Variants in RNMT observed in about 807,000 individuals in gnomAD.
RNMT encodes the protein RNA guanine-7 methyltransferase.
A neutral mutation model predicts 56.0 loss-of-function variants in RNMT; 27 were observed. That is an observed-to-expected ratio of 0.48 (90% confidence interval 0.36 to 0.67). The LOEUF is 0.67. RNMT is among the 30% of genes least tolerant of loss of function. The probability of loss-of-function intolerance (pLI) is 0.00; values close to 1 mark genes in which losing one functional copy is unlikely to be tolerated. For missense variants in RNMT, 519 were observed against 552.1 expected, an observed-to-expected ratio of 0.94 and a Z score of 0.60; for synonymous variants, 184 against 176.2, an observed-to-expected ratio of 1.04 and a Z score of -0.35.
In RNMT at chr18:13,760,180, G is replaced by C; in HGVS notation, c.*201G>C. The C allele has an allele frequency of 7.8e-7, 1 of 1,274,880 alleles. No individual in the cohort carries two copies. Among genetic ancestry groups the C allele is most frequent in the Non-Finnish European group, 9.9e-7 (1 of 1,010,664 alleles). The allele number at this position is 1,274,880 out of a possible 1,614,324, so 79.0% of individuals were successfully genotyped here. The stretch of plus-strand genomic sequence containing the variant: ...GCATGTGTATATAAGAATGAGTTGG[G>C]ACCTCTGTCTTTAAAAATCTATTTT... On this transcript the variant is annotated 3_prime_UTR_variant, in exon 12 of 12. Transcript: ENST00000383314.
rs1168927621 is a variant in RNMT, at chr18:13,764,246, T to C, written c.*4267T>C. ...TTAACTTTTTATTAAAGTGTAACTATAGAAACACATCAATGATTTTTCACA... is the reference window on the plus strand; with the variant it reads ...TTAACTTTTTATTAAAGTGTAACTACAGAAACACATCAATGATTTTTCACA... On this transcript the variant is annotated 3_prime_UTR_variant, in exon 12 of 12. Coordinates refer to ENST00000383314, the MANE Select transcript of RNMT (RefSeq NM_003799.3). The C allele has an allele frequency of 1.3e-5, 2 of 152,218 alleles. No homozygotes were observed. The highest frequency in any genetic ancestry group is 4.8e-5 in the African/African-American group (2 of 41,472). 9.4% of individuals were successfully genotyped at this position (152,218 alleles called of 1,614,324 possible).
chr18:13,742,512 A>G lies in RNMT; in HGVS notation c.999A>G (p.Thr333=). ...ELIRRLEASE[T]ESFGNEIYTV... ...GAAGACGCCTTGAAGCTTCAGAAAC[A>G]GAATCATTTGGAAATGAAATATATA... Residue 333 remains threonine (T), a synonymous_variant, in exon 8 of 12, where the codon ACA becomes ACG. Coordinates refer to ENST00000383314, the MANE Select transcript of RNMT (RefSeq NM_003799.3). 1 of 1,612,298 alleles carries G rather than the reference A, an allele frequency of 6.2e-7. No homozygotes were observed. Among genetic ancestry groups the G allele is most frequent in the Non-Finnish European group, 8.5e-7 (1 of 1,179,550 alleles).
In RNMT at chr18:13,763,219, A is replaced by G; in HGVS notation, c.*3240A>G. The G allele has an allele frequency of 2.2e-6, 1 of 445,934 alleles. No individual in the cohort carries two copies. Among genetic ancestry groups the G allele is most frequent in the Middle Eastern group, 3.3e-4 (1 of 3,018 alleles). 27.6% of individuals were successfully genotyped at this position (445,934 alleles called of 1,614,324 possible). On this transcript the variant is annotated 3_prime_UTR_variant, in exon 12 of 12. Transcript: ENST00000383314. Reference sequence around the variant, plus strand: ...GTGTTTTCATTCCCCGCCCTCTGACAGAACAACATTCCTAATTCTTTGAAG... The same window carrying G: ...GTGTTTTCATTCCCCGCCCTCTGACGGAACAACATTCCTAATTCTTTGAAG...
intron 1 of RNMT, among the ~76,000 whole-genome samples, chr18:13,728,545 A>G (rs1254405737): frequency 6.6e-6 from 1 of 151,938 alleles, no homozygotes; most frequent in African/African-American, 2.4e-5. Flanking sequence ...TATGTTGGCC[A>G]GGCTGGTCTA....
At chr18:13,754,039 C>T in intron 10 of RNMT, 75 bp from the exon 11 acceptor site, 1 of 790,240 alleles carries the variant, frequency 1.3e-6, no homozygotes, top group Admixed American at 2.1e-5. Context: ...CCATCTCTGC[C>T]CATTATTTAG....
intron 11 of RNMT, 124 bp from the exon 12 acceptor site, chr18:13,759,818 G>A (rs903508281): frequency 2.5e-5 from 18 of 706,040 alleles, no homozygotes; most frequent in South Asian, 1.8e-5. Context: ...TAGAATTAAT[G>A]GGGATTTTCC....
At position 13,761,549 on chromosome 18, in the gene RNMT, C is replaced by T; in HGVS notation, c.*1570C>T. The T allele has an allele frequency of 3.0e-6, 3 of 992,464 alleles. No homozygotes were observed. Among genetic ancestry groups the T allele is most frequent in the Non-Finnish European group, 3.6e-6 (3 of 833,864 alleles). The allele number at this position is 992,464 out of a possible 1,614,324, so 61.5% of individuals were successfully genotyped here. ...AATACATGTACTTTTAGCCTGAAAC[C>T]TCTTCCACGCCATGGGTAACTTGGG... On this transcript the variant is annotated 3_prime_UTR_variant, in exon 12 of 12. Coordinates refer to ENST00000383314, the MANE Select transcript of RNMT (RefSeq NM_003799.3).
At chr18:13,736,494 C>CT (rs201533011) in intron 4 of RNMT, among the ~76,000 whole-genome samples, 37 of 141,478 alleles carry the variant, frequency 2.6e-4, no homozygotes, top group African/African-American at 3.6e-4. Context: ...AGACATAGTG[C>CT]TTTTTTTTTT....
chr18:13,762,073 T>C lies in RNMT; in HGVS notation c.*2094T>C, dbSNP rs2044627598. ...TAACTATTATGAGGGAGGCATGGCT[T>C]TCCACCGTCGGGCCAGGAAGAGCAC... On this transcript the variant is annotated 3_prime_UTR_variant, in exon 12 of 12. Transcript: ENST00000383314. 5.2e-6 allele frequency: 8 copies of C among 1,535,950 alleles called. No individual in the cohort carries two copies. Among genetic ancestry groups the C allele is most frequent in the Non-Finnish European group, 7.0e-6 (8 of 1,146,902 alleles).
intron 3 of RNMT, among the ~76,000 whole-genome samples, chr18:13,733,370 C>T (rs2044106229): frequency 6.6e-6 from 1 of 152,082 alleles, no homozygotes; most frequent in Admixed American, 6.6e-5. Flanking sequence ...CTGCACATAG[C>T]CTACTGAATT....
chr18:13,738,062 C>T (rs2044194010), intron 5 of RNMT, among the ~76,000 whole-genome samples: 1 of 151,986 alleles, frequency 6.6e-6, no homozygotes. Context: ...GTGGGACAAG[C>T]AGACGTCAGC....
chr18:13,740,143 A>G (rs150459655), intron 5 of RNMT, 24 bp from the exon 6 acceptor site: 21 of 1,377,918 alleles, frequency 1.5e-5, no homozygotes, highest in Admixed American at 8.4e-5. Context: ...GTTGATACTT[A>G]CTAATACCCT....
At chr18:13,734,350 T>A (rs1045326736) in intron 3 of RNMT, 114 bp from the exon 4 acceptor site, 1 of 889,334 alleles carries the variant, frequency 1.1e-6, no homozygotes, top group Non-Finnish European at 1.7e-6. Flanking sequence ...TGCCATTGTT[T>A]AGTGAAGTTT....
intron 7 of RNMT, 30 bp downstream of exon 7, chr18:13,741,721 T>G (rs771099263): frequency 6.9e-7 from 1 of 1,448,086 alleles, no homozygotes; most frequent in Non-Finnish European, 9.5e-7. Context: ...TTGTGGTTTA[T>G]AAAATATTCA....
chr18:13,753,598 C>T (rs887885638), intron 10 of RNMT, among the ~76,000 whole-genome samples: 4 of 151,824 alleles, frequency 2.6e-5, no homozygotes, highest in Non-Finnish European at 5.9e-5. Flanking sequence ...GGTGAAACCT[C>T]GTCTTTACTA....
chr18:13,752,538 A>G (rs752845989), intron 10 of RNMT, 111 bp downstream of exon 10: 66 of 663,702 alleles, frequency 9.9e-5, no homozygotes, highest in Non-Finnish European at 1.4e-4. Flanking sequence ...TCACTGACTT[A>G]CAAATCAGTT....
In RNMT at chr18:13,761,724, GTTGTTGGTGT is replaced by G; in HGVS notation, c.*1746_*1755del. 8.8e-7 allele frequency: 1 copy of G among 1,141,224 alleles called. No homozygotes were observed. The highest frequency in any genetic ancestry group is 1.1e-6 in the Non-Finnish European group (1 of 925,076). The allele number at this position is 1,141,224 out of a possible 1,614,324, so 70.7% of individuals were successfully genotyped here. On this transcript the variant is annotated 3_prime_UTR_variant, in exon 12 of 12. Transcript: ENST00000383314. The stretch of plus-strand genomic sequence containing the variant: ...AGATGCTCTGGGGACTGAGCCCACT[GTTGTTGGTGT>G]CAGGGAGGCTTACTGGAGCCACACC...
Position 13,737,148 on chromosome 18 carries a change from A to T in RNMT, c.679+13A>T. ...CTAGTTTGTACTGGTAAGATAAATAATGATATGGGAAAGAATAATTTGTAG... is the reference window on the plus strand; with the variant it reads ...CTAGTTTGTACTGGTAAGATAAATATTGATATGGGAAAGAATAATTTGTAG... On this transcript the variant is annotated intron_variant, in intron 5 of 11. Coordinates refer to ENST00000383314, the MANE Select transcript of RNMT (RefSeq NM_003799.3). 1 of 1,571,946 alleles carries T rather than the reference A, an allele frequency of 6.4e-7. No individual in the cohort carries two copies. Among genetic ancestry groups the T allele is most frequent in the Non-Finnish European group, 8.7e-7 (1 of 1,153,108 alleles).
chr18:13,741,279 A>G (rs1484622142), intron 6 of RNMT, among the ~76,000 whole-genome samples: 2 of 152,242 alleles, frequency 1.3e-5, no homozygotes, highest in East Asian at 1.9e-4. Flanking sequence ...ATTGACTAAT[A>G]TATTTTAAAC....
Sources: allele counts gnomAD v4.1 joint callset (sites outside exome capture counted in the v4.1 genomes callset), GRCh38; gene constraint gnomAD v4.1.1; transcripts MANE v1.5; gene names NCBI Gene and HGNC (gene_info 2026-07-23, HGNC 2026-07-21).